The following MAGI2 variants were observed in gnomAD, a reference collection of about 807,000 sequenced individuals.
The protein encoded by MAGI2 is membrane associated guanylate kinase, WW and PDZ domain containing 2, also known as membrane-associated guanylate kinase, WW and PDZ domain-containing protein 2.
In MAGI2, 35 loss-of-function variants were observed where a neutral mutation model predicts 133.3. That is an observed-to-expected ratio of 0.26 (90% CI 0.20 to 0.35). MAGI2 has a LOEUF of 0.35. MAGI2 is among the 10% of genes least tolerant of loss of function. The pLI, the probability that MAGI2 is intolerant of heterozygous loss-of-function variation, is 1.00. For missense variants in MAGI2, 1,636 were observed against 1,863.4 expected (o/e 0.88, Z 2.25); for synonymous variants, 729 against 710.6 (o/e 1.03, Z -0.41).
rs1180574621 is a variant in MAGI2 at position 79,324,687 on chromosome 7, A to ATG, written c.301+128332_301+128333insCA. 2.4e-3 allele frequency among the ~76,000 whole-genome samples: 19 copies of ATG among 7,980 alleles called. 3 individuals are homozygous for ATG. Among genetic ancestry groups the ATG allele is most frequent in the Admixed American group, 0.014 (4 of 286 alleles). 5.2% of individuals were successfully genotyped at this position (7,980 alleles called of 152,430 possible). On this transcript the variant is annotated intron_variant, in intron 1 of 21. Transcript: ENST00000354212. ...TATATAAAATATATATATATTATAT[A>ATG]TATATAAAATATATATATATTATAT...
At chr7:79,212,195 G>A (rs560347257) in intron 1 of MAGI2, among the ~76,000 whole-genome samples, 1 of 152,134 alleles carries the variant, frequency 6.6e-6, no homozygotes, top group South Asian at 2.1e-4. Context: ...ATACAAAGAT[G>A]TTGCATTATT....
Position 78,345,933 on chromosome 7 carries a change from G to A in MAGI2, c.1214C>T (p.Pro405Leu). ...TELGTKPLQA[P>L]GFREKPLFTR... is the part of the protein sequence containing the mutation. ...GACAGGTATCATACCTCGGAAACCT[G>A]GGGCCTGCAGGGGCTTTGTTCCAAG... is the stretch of plus-strand genomic sequence containing the variant. Residue 405 changes from proline to leucine, a missense_variant, in exon 8 of 22, where the codon CCA (proline) becomes CTA (leucine). Physicochemically the swap from Pro to Leu is moderately conservative, Grantham distance 98. Coordinates refer to ENST00000354212, the MANE Select transcript of MAGI2 (RefSeq NM_012301.4). 1 of 1,614,044 alleles carries A rather than the reference G, an allele frequency of 6.2e-7. No homozygotes were observed. The highest frequency in any genetic ancestry group is 8.5e-7 in the Non-Finnish European group (1 of 1,180,000).
At chr7:78,687,969 TAAAAAA>T (rs72030909) in intron 2 of MAGI2, among the ~76,000 whole-genome samples, 8 of 67,240 alleles carry the variant, frequency 1.2e-4, no homozygotes, top group African/African-American at 3.1e-4. Context: ...GTCCTTGCCT[TAAAAAA>T]AAAAAAAAAA....
chr7:78,153,316 A>AG (rs1393214005), intron 16 of MAGI2, among the ~76,000 whole-genome samples: 1 of 152,208 alleles, frequency 6.6e-6, no homozygotes, highest in Non-Finnish European at 1.5e-5. Context: ...TGCCACTGAA[A>AG]GGGGCGTGCC....
At chr7:79,265,221 C>G (rs1563060095) in intron 1 of MAGI2, among the ~76,000 whole-genome samples, 1 of 152,144 alleles carries the variant, frequency 6.6e-6, no homozygotes. Context: ...CATTCTCATT[C>G]AGACTCCAGA....
At chr7:78,687,969 T>TAAAA (rs72030909) in intron 2 of MAGI2, among the ~76,000 whole-genome samples, 186 of 67,206 alleles carry the variant, frequency 2.8e-3, no homozygotes, top group Non-Finnish European at 4.1e-3. Context: ...GTCCTTGCCT[T>TAAAA]AAAAAAAAAA....
chr7:78,264,027 C>A (rs566296046), intron 9 of MAGI2, among the ~76,000 whole-genome samples: 1 of 152,052 alleles, frequency 6.6e-6, no homozygotes, highest in Non-Finnish European at 1.5e-5. Context: ...CCTTTCTGAC[C>A]GCCTCCTTTA....
chr7:79,437,691 C>A lies in MAGI2; in HGVS notation c.301+15329G>T, dbSNP rs149650019. On this transcript the variant is annotated intron_variant, in intron 1 of 21. Coordinates refer to ENST00000354212, the MANE Select transcript of MAGI2 (RefSeq NM_012301.4). ...GTCTTAAATTAGCACTTTACAGAATCAAAAACTGGGGTATTGTTTAGGTTC... is the reference window on the plus strand; with the variant it reads ...GTCTTAAATTAGCACTTTACAGAATAAAAAACTGGGGTATTGTTTAGGTTC... 3.9e-4 allele frequency among the ~76,000 whole-genome samples: 60 copies of A among 152,146 alleles called. No individual in the cohort carries two copies. The East Asian group carries it at 9.3e-3, about 23-fold the overall frequency.
chr7:79,161,196 C>T (rs927469086), intron 1 of MAGI2, among the ~76,000 whole-genome samples: 1 of 151,980 alleles, frequency 6.6e-6, no homozygotes, highest in African/African-American at 2.4e-5. Flanking sequence ...GGGGATGTTA[C>T]CCCTTTCCAG....
At chr7:79,237,729 C>T (rs1335250900) in intron 1 of MAGI2, among the ~76,000 whole-genome samples, 1 of 152,180 alleles carries the variant, frequency 6.6e-6, no homozygotes, top group Non-Finnish European at 1.5e-5. Context: ...ATACATTTTA[C>T]AAACATGATT....
intron 1 of MAGI2, among the ~76,000 whole-genome samples, chr7:79,452,599 T>G (rs1297437410): frequency 6.6e-6 from 1 of 152,084 alleles, no homozygotes; most frequent in African/African-American, 2.4e-5. Context: ...GACCCGCTGG[T>G]GATGCCGCTG....
chr7:78,941,353 T>C (rs767247838), intron 2 of MAGI2, among the ~76,000 whole-genome samples: 1 of 152,144 alleles, frequency 6.6e-6, no homozygotes, highest in African/African-American at 2.4e-5. Context: ...TTTCTTTTTG[T>C]ATTTATTTAT....
At chr7:79,318,409 A>G in intron 1 of MAGI2, among the ~76,000 whole-genome samples, 1 of 152,272 alleles carries the variant, frequency 6.6e-6, no homozygotes, top group Admixed American at 6.5e-5. Flanking sequence ...AAAAAACACA[A>G]TGTAAGTTGA....
chr7:79,429,244 T>C (rs1426546033), intron 1 of MAGI2, among the ~76,000 whole-genome samples: 1 of 152,108 alleles, frequency 6.6e-6, no homozygotes, highest in African/African-American at 2.4e-5. Context: ...TGAACAAAAA[T>C]ATTAAACTAT....
In MAGI2 at chr7:78,491,190, G is replaced by A. The variant is rs180768515; in HGVS notation, c.966-1350C>T. The stretch of plus-strand genomic sequence containing the variant: ...ACCCAGGCAGTATATTTAATCACAA[G>A]TGTGTAAAAACCAAGTTCCTTCTTA... On this transcript the variant is annotated intron_variant, in intron 5 of 21. Coordinates refer to ENST00000354212, the MANE Select transcript of MAGI2 (RefSeq NM_012301.4). 1.7e-3 allele frequency among the ~76,000 whole-genome samples: 260 copies of A among 152,214 alleles called. 3 individuals carry two copies. Among genetic ancestry groups the A allele is most frequent in the Middle Eastern group, 0.01 (3 of 294 alleles).
chr7:79,026,342 A>G (rs1809881560), intron 1 of MAGI2, among the ~76,000 whole-genome samples: 1 of 152,210 alleles, frequency 6.6e-6, no homozygotes, highest in Non-Finnish European at 1.5e-5. Flanking sequence ...ACTTGCAAGG[A>G]AAGCCTATTG....
intron 2 of MAGI2, among the ~76,000 whole-genome samples, chr7:78,639,689 C>T (rs1584932401): frequency 6.6e-6 from 1 of 152,092 alleles, no homozygotes; most frequent in East Asian, 1.9e-4. Flanking sequence ...TAGCTGACAG[C>T]CCCTTAATTC....
intron 1 of MAGI2, among the ~76,000 whole-genome samples, chr7:79,372,021 A>G (rs1284525855): frequency 2.0e-5 from 3 of 152,172 alleles, no homozygotes; most frequent in Non-Finnish European, 4.4e-5. Context: ...GAGCAACCCT[A>G]CGAGGTAGCT....
At chr7:79,375,826 G>A (rs1249091036) in intron 1 of MAGI2, among the ~76,000 whole-genome samples, 4 of 151,894 alleles carry the variant, frequency 2.6e-5, no homozygotes, top group African/African-American at 9.7e-5. Flanking sequence ...TAAGCAGATA[G>A]GCTTGAATTA....
Sources: gnomAD v4.1 joint callset for allele counts (sites outside exome capture counted in the v4.1 genomes callset) on GRCh38, gnomAD v4.1.1 for gene constraint, MANE v1.5 for transcripts, NCBI Gene and HGNC (gene_info 2026-07-23, HGNC 2026-07-21) for gene names.